Variants in PSMD4 observed in about 807,000 individuals in gnomAD.
The protein encoded by PSMD4 is 26S proteasome non-ATPase regulatory subunit 4.
PSMD4 carries 5 observed loss-of-function variants against 39.7 expected under a neutral mutation model. The ratio of observed to expected loss-of-function variants is 0.13; its 90% CI spans 0.07 to 0.26. The LOEUF is 0.26. Ranked by LOEUF, PSMD4 falls within the 10% of genes least tolerant of loss-of-function variation. PSMD4 has a pLI of 1.00. For synonymous variants in PSMD4, 143 were observed against 174.6 expected (o/e 0.82, Z 1.43); for missense variants, 272 against 486.1 (o/e 0.56, Z 4.14).
At chr1:151,260,190 ACT>A (rs1693282333) in intron 1 of PSMD4, among the ~76,000 whole-genome samples, 2 of 150,836 alleles carry the variant, frequency 1.3e-5, no homozygotes. Flanking sequence ...CAAGAGCGAA[ACT>A]CTGTCTCAAA....
chr1:151,256,868 G>A (rs1040098990), intron 1 of PSMD4, among the ~76,000 whole-genome samples: 6 of 151,818 alleles, frequency 4.0e-5, no homozygotes, highest in African/African-American at 1.5e-4. Context: ...TCCTGCCTCA[G>A]CCTCCTTAGT....
chr1:151,263,995 G>A lies in PSMD4; in HGVS notation c.249G>A (p.Lys83=), dbSNP rs1301369005. ...SKLHTVQPKG[K]ITFCTGIRVA... is the part of the protein sequence containing the mutation. ...TACATACTGTCCAACCCAAGGGCAA[G>A]ATCACCTTCTGCACGGGCATCCGCG... The change falls in exon 3 of 10, where the codon AAG becomes AAA. Residue 83 remains lysine, a synonymous_variant. Transcript: ENST00000368884. 3.7e-6 allele frequency: 6 copies of A among 1,604,428 alleles called. No homozygotes were observed. Among genetic ancestry groups the A allele is most frequent in the Non-Finnish European group, 4.3e-6 (5 of 1,175,476 alleles).
chr1:151,265,063 A>G lies in PSMD4; in HGVS notation c.370-103A>G, dbSNP rs1693397757. 5 of 1,300,450 alleles carry G rather than the reference A, an allele frequency of 3.8e-6. No individual in the cohort carries two copies. In the East Asian group the frequency reaches 1.2e-4, roughly 32 times the overall value. 80.6% of individuals were successfully genotyped at this position (1,300,450 alleles called of 1,614,324 possible). ...GAGAATTCAGTGATTCTGTTGGAGG[A>G]CCTTGGGGAGGTCAATAGATTTCTG... On this transcript the variant is annotated intron_variant, in intron 4 of 9. Coordinates refer to ENST00000368884, the MANE Select transcript of PSMD4 (RefSeq NM_002810.4).
rs773194216 is a variant in PSMD4 at position 151,265,168 on chromosome 1, G to T, written c.372G>T (p.Leu124=). ...GATTTTTCTCCCCTTCTTCCCAGCT[G>T]GTGAAACTGGCTAAACGCCTCAAGA... ...GSPVEDNEKD[L]VKLAKRLKKE... is the part of the protein sequence containing the mutation. Residue 124 remains leucine (L), a splice_region_variant and synonymous_variant, in exon 5 of 10, where the codon CTG becomes CTT. Coordinates refer to ENST00000368884, the MANE Select transcript of PSMD4 (RefSeq NM_002810.4). 1 of 1,610,908 alleles carries T rather than the reference G, an allele frequency of 6.2e-7. No homozygotes were observed. The highest frequency in any genetic ancestry group is 1.7e-5 in the Admixed American group (1 of 59,294).
chr1:151,258,681 G>A (rs1037316866), intron 1 of PSMD4, among the ~76,000 whole-genome samples: 3 of 151,876 alleles, frequency 2.0e-5, no homozygotes, highest in East Asian at 3.9e-4. Flanking sequence ...GGCTGGTCTC[G>A]AACTCTTGGG....
Position 151,265,480 on chromosome 1 carries a change from T to G in PSMD4, c.525T>G (p.Pro175=). 1.2e-6 allele frequency: 2 copies of G among 1,614,206 alleles called. No homozygotes were observed. Among genetic ancestry groups the G allele is most frequent in the Non-Finnish European group, 1.7e-6 (2 of 1,180,036 alleles). Residue 175 remains proline, a synonymous_variant, in exon 6 of 10, where the codon CCT becomes CCG. Transcript: ENST00000368884. ...GTTCTCATCTGGTGACAGTGCCTCC[T>G]GGGCCCAGTTTGGCTGATGCTCTCA... The part of the protein sequence containing the change: ...GTGSHLVTVP[P]GPSLADALIS...
chr1:151,261,350 C>T (rs1296406842), intron 1 of PSMD4, among the ~76,000 whole-genome samples: 3 of 151,244 alleles, frequency 2.0e-5, no homozygotes, highest in African/African-American at 7.3e-5. Flanking sequence ...TAATTTTCTA[C>T]TTTTAGTAGA....
intron 1 of PSMD4, 73 bp downstream of exon 1, chr1:151,254,881 C>T (rs1693127578): frequency 1.1e-5 from 12 of 1,077,730 alleles, no homozygotes; most frequent in African/African-American, 1.7e-5. Context: ...CAGGGAGGGC[C>T]TGGGGTGGGG....
In PSMD4 at chr1:151,265,384, T is replaced by C; in HGVS notation, c.439-10T>C. 1 of 1,613,766 alleles carries C rather than the reference T, an allele frequency of 6.2e-7. No homozygotes were observed. Among genetic ancestry groups the C allele is most frequent in the East Asian group, 2.2e-5 (1 of 44,872 alleles). On this transcript the variant is annotated splice_polypyrimidine_tract_variant and intron_variant, in intron 5 of 9. Transcript: ENST00000368884. The stretch of plus-strand genomic sequence containing the variant: ...CTGAAGAAGGGCATCATGTGTTCTT[T>C]CCTCCCCAGGAGGTGAACACAGAAA...
chr1:151,256,231 CT>C (rs1458648251), intron 1 of PSMD4, among the ~76,000 whole-genome samples: 3 of 150,766 alleles, frequency 2.0e-5, no homozygotes, highest in Non-Finnish European at 4.4e-5. Flanking sequence ...GTAGTCCCAG[CT>C]ACTCCAGAGG....
At position 151,266,536 on chromosome 1, in the gene PSMD4, A is replaced by C; in HGVS notation, c.912A>C (p.Glu304Asp). 6.2e-7 allele frequency: 1 copy of C among 1,614,220 alleles called. No homozygotes were observed. The highest frequency in any genetic ancestry group is 1.1e-5 in the South Asian group (1 of 91,086). The change falls in exon 9 of 10, where the codon GAA (glutamate) becomes GAC (aspartate). Residue 304 changes from glutamate to aspartate, a missense_variant. Glu to Asp is a conservative substitution (Grantham distance 45). Coordinates refer to ENST00000368884, the MANE Select transcript of PSMD4 (RefSeq NM_002810.4). ...CTTCCTCAGAGTTTGGCCAGGCGGA[A>C]TCAGCAGACATTGATGCCAGCTCAG... ...SLQGAEFGQA[E>D]SADIDASSAM...
At chr1:151,254,868 A>G in intron 1 of PSMD4, 60 bp downstream of exon 1, 8 of 1,111,848 alleles carry the variant, frequency 7.2e-6, no homozygotes, top group Non-Finnish European at 9.7e-6. Flanking sequence ...TGTAGCGCCA[A>G]GGCAGGGAGG....
intron 9 of PSMD4, chr1:151,266,858 G>A (rs936764742): frequency 2.2e-5 from 16 of 716,048 alleles, no homozygotes; most frequent in Non-Finnish European, 3.8e-5. Context: ...GGAAAAAAGC[G>A]GGTCTGGGAA....
chr1:151,260,506 C>T (rs587723517), intron 1 of PSMD4, among the ~76,000 whole-genome samples: 6 of 152,280 alleles, frequency 3.9e-5, no homozygotes, highest in African/African-American at 1.4e-4. Flanking sequence ...AGCTGTTAAG[C>T]ATTTAATGAG....
At chr1:151,263,163 TTTGA>T (rs1181485530) in intron 2 of PSMD4, among the ~76,000 whole-genome samples, 2 of 152,048 alleles carry the variant, frequency 1.3e-5, no homozygotes, top group Non-Finnish European at 2.9e-5. Flanking sequence ...ATACTAGATG[TTTGA>T]TTGAGAAGAA....
intron 1 of PSMD4, among the ~76,000 whole-genome samples, chr1:151,261,846 T>G (rs373233438): frequency 2.0e-5 from 3 of 151,480 alleles, no homozygotes; most frequent in African/African-American, 7.3e-5. Context: ...TCCCAGCTAC[T>G]TGGGAGGCTG....
At chr1:151,266,739 G>T in intron 9 of PSMD4, 152 bp downstream of exon 9, 1 of 979,424 alleles carries the variant, frequency 1.0e-6, no homozygotes, top group South Asian at 1.5e-5. Flanking sequence ...ACCTTGCTAA[G>T]GTAGCAATGC....
At position 151,254,790 on chromosome 1, in the gene PSMD4, T is replaced by C; in HGVS notation, c.8T>C (p.Leu3Ser). 3 of 1,564,350 alleles carry C rather than the reference T, an allele frequency of 1.9e-6. No individual in the cohort carries two copies. Among genetic ancestry groups the C allele is most frequent in the Non-Finnish European group, 2.6e-6 (3 of 1,156,958 alleles). The change falls in exon 1 of 10, where the codon TTG becomes TCG. Residue 3 changes from leucine (L) to serine (S), a missense_variant. This residue lies in a region of PSMD4 where 153 missense variants were observed against 257.6 expected (regional missense o/e 0.59). Coordinates refer to ENST00000368884, the MANE Select transcript of PSMD4 (RefSeq NM_002810.4). ...AGGGAGGAAGGTGGCAAGATGGTGT[T>C]GGAAAGCACTATGGTGTGGTGAGGA... MV[L>S]ESTMVCVDNS...
chr1:151,256,363 TAAA>T (rs56844459), intron 1 of PSMD4, among the ~76,000 whole-genome samples: 1 of 37,522 alleles, frequency 2.7e-5, no homozygotes, highest in African/African-American at 7.7e-5. Context: ...AAAATAATAA[TAAA>T]ATAAATAAAT....
Sources: gnomAD v4.1 joint callset for allele counts (sites outside exome capture counted in the v4.1 genomes callset) on GRCh38, gnomAD v4.1.1 for gene constraint, gnomAD v4.1.1 regional missense constraint, MANE v1.5 for transcripts, NCBI Gene and HGNC (gene_info 2026-07-23, HGNC 2026-07-21) for gene names.